The following XKR4 variants were observed in gnomAD, a reference collection of about 807,000 sequenced individuals.
XKR4 encodes XK-related protein 4.
XKR4 carries 12 observed loss-of-function variants against 53.9 expected under a neutral mutation model. That is an observed-to-expected ratio of 0.22 (90% confidence interval 0.14 to 0.36). The LOEUF is 0.36. Among genes scored for constraint, XKR4 ranks in the 10% least tolerant of loss-of-function variants. XKR4 has a pLI of 1.00. For missense variants in XKR4, 799 were observed against 859.5 expected, an observed-to-expected ratio of 0.93 and a Z score of 0.88; for synonymous variants, 354 against 362.4, an observed-to-expected ratio of 0.98 and a Z score of 0.26.
chr8:55,486,819 A>G (rs1384439232), intron 2 of XKR4, among the ~76,000 whole-genome samples: 1 of 152,218 alleles, frequency 6.6e-6, no homozygotes, highest in Non-Finnish European at 1.5e-5. Flanking sequence ...TTCACCATTA[A>G]GTACCTTCAT....
intron 2 of XKR4, among the ~76,000 whole-genome samples, chr8:55,413,253 C>T (rs1017815941): frequency 7.2e-5 from 11 of 152,168 alleles, no homozygotes; most frequent in African/African-American, 2.4e-4. Context: ...AATGGAGTCT[C>T]ACTCTGTCAT....
At position 55,533,937 on chromosome 8, in the gene XKR4, A is replaced by G. The variant is rs1217387113; in HGVS notation, c.*9710A>G. On this transcript the variant is annotated 3_prime_UTR_variant, in exon 3 of 3. Transcript: ENST00000327381. ...TTCACCTGCTTCATTTGTTTTTTCCAGTAAACGCTGTTTTGAAAAAAAAGA... is the reference window on the plus strand; with the variant it reads ...TTCACCTGCTTCATTTGTTTTTTCCGGTAAACGCTGTTTTGAAAAAAAAGA... The G allele has an allele frequency of 6.6e-6, 1 of 152,144 alleles. No individual in the cohort carries two copies. Among genetic ancestry groups the G allele is most frequent in the Non-Finnish European group, 1.5e-5 (1 of 68,020 alleles). The allele number at this position is 152,144 out of a possible 1,614,324, so 9.4% of individuals were successfully genotyped here.
intron 1 of XKR4, among the ~76,000 whole-genome samples, chr8:55,111,462 T>C (rs1816229190): frequency 6.6e-6 from 1 of 152,144 alleles, no homozygotes; most frequent in Admixed American, 6.6e-5. Flanking sequence ...CAAGGGGATA[T>C]ACAAGGGACT....
chr8:55,125,273 C>G lies in XKR4; in HGVS notation c.806+21979C>G, dbSNP rs181471062. Among the ~76,000 whole-genome samples, 202 of 152,242 alleles carry G rather than the reference C, an allele frequency of 1.3e-3. 1 individual carries two copies. Among genetic ancestry groups the G allele is most frequent in the African/African-American group, 4.7e-3 (197 of 41,538 alleles). On this transcript the variant is annotated intron_variant, in intron 1 of 2. Coordinates refer to ENST00000327381, the MANE Select transcript of XKR4 (RefSeq NM_052898.2). The stretch of plus-strand genomic sequence containing the variant: ...GAGATGGAGTTTCGCCCTTGTCACC[C>G]AGGCTGGAGTGTAGTGACACGATCT...
At chr8:55,428,387 G>T (rs10095520) in intron 2 of XKR4, among the ~76,000 whole-genome samples, 6 of 152,004 alleles carry the variant, frequency 3.9e-5, no homozygotes, top group Non-Finnish European at 7.4e-5. Flanking sequence ...CTAGCCAAAT[G>T]ACCAGGTAGA....
intron 2 of XKR4, among the ~76,000 whole-genome samples, chr8:55,441,039 A>G (rs1008895543): frequency 6.8e-6 from 1 of 147,886 alleles, no homozygotes; most frequent in African/African-American, 2.5e-5. Context: ...ACCAGCCTGG[A>G]CAACACAATG....
intron 2 of XKR4, chr8:55,453,468 G>T: frequency 2.5e-6 from 1 of 397,898 alleles, no homozygotes; most frequent in Non-Finnish European, 5.0e-6. Flanking sequence ...TCAAACACGT[G>T]GGAGATGCAG....
intron 1 of XKR4, among the ~76,000 whole-genome samples, chr8:55,132,604 A>G (rs1453704013): frequency 6.6e-6 from 1 of 152,158 alleles, no homozygotes; most frequent in Non-Finnish European, 1.5e-5. Context: ...AGATATGGAG[A>G]GACTACTGTG....
intron 2 of XKR4, among the ~76,000 whole-genome samples, chr8:55,506,759 C>T (rs549841111): frequency 2.9e-4 from 44 of 152,234 alleles, no homozygotes; most frequent in African/African-American, 8.4e-4. Flanking sequence ...ACTGTGTATA[C>T]GAGTTGGTTT....
chr8:55,189,402 C>T (rs947910196), intron 1 of XKR4, among the ~76,000 whole-genome samples: 26 of 152,240 alleles, frequency 1.7e-4, no homozygotes, highest in African/African-American at 6.0e-4. Flanking sequence ...AGAAATGCAT[C>T]GGTAAGCGGT....
intron 2 of XKR4, among the ~76,000 whole-genome samples, chr8:55,475,020 A>G (rs754835887): frequency 1.3e-5 from 2 of 152,200 alleles, no homozygotes; most frequent in African/African-American, 2.4e-5. Flanking sequence ...GAGACAAAAT[A>G]TACTGACATG....
intron 1 of XKR4, among the ~76,000 whole-genome samples, chr8:55,248,257 T>C (rs1327824126): frequency 6.6e-6 from 1 of 152,204 alleles, no homozygotes; most frequent in Non-Finnish European, 1.5e-5. Context: ...TTTCTAATAA[T>C]ATTTTTAGTT....
chr8:55,147,359 C>T (rs1220124421), intron 1 of XKR4, among the ~76,000 whole-genome samples: 1 of 152,226 alleles, frequency 6.6e-6, no homozygotes, highest in Non-Finnish European at 1.5e-5. Context: ...GGTGGACCAG[C>T]CTCAAGAGTG....
chr8:55,439,302 T>TA (rs1264420810), intron 2 of XKR4, among the ~76,000 whole-genome samples: 1 of 151,582 alleles, frequency 6.6e-6, no homozygotes, highest in Non-Finnish European at 1.5e-5. Flanking sequence ...TGCCCACGTA[T>TA]AAAGTCCCAA....
chr8:55,162,393 C>T (rs1816997649), intron 1 of XKR4, among the ~76,000 whole-genome samples: 1 of 152,176 alleles, frequency 6.6e-6, no homozygotes, highest in Non-Finnish European at 1.5e-5. Flanking sequence ...ATGAGATAGA[C>T]CTAAATGTTA....
chr8:55,353,676 G>C (rs1328694234), intron 1 of XKR4, among the ~76,000 whole-genome samples: 4 of 152,324 alleles, frequency 2.6e-5, no homozygotes, highest in African/African-American at 9.6e-5. Flanking sequence ...TGATCGAATG[G>C]AGACTATTTA....
intron 1 of XKR4, among the ~76,000 whole-genome samples, chr8:55,300,289 C>T (rs974140563): frequency 6.6e-6 from 1 of 152,064 alleles, no homozygotes; most frequent in African/African-American, 2.4e-5. Context: ...ACCTGGAAGT[C>T]TCCATGGGTT....
chr8:55,390,551 A>G (rs1328320389), intron 2 of XKR4, among the ~76,000 whole-genome samples: 2 of 152,190 alleles, frequency 1.3e-5, no homozygotes, highest in Non-Finnish European at 2.9e-5. Flanking sequence ...TTCTCCCTCC[A>G]TTAGAAGCTG....
intron 2 of XKR4, among the ~76,000 whole-genome samples, chr8:55,510,829 C>T (rs944630551): frequency 6.6e-6 from 1 of 152,178 alleles, no homozygotes; most frequent in Non-Finnish European, 1.5e-5. Flanking sequence ...CCAAGTGATG[C>T]CCTAAGAGTT....
Sources: gnomAD v4.1 joint callset for allele counts (sites outside exome capture counted in the v4.1 genomes callset) on GRCh38, gnomAD v4.1.1 for gene constraint, MANE v1.5 for transcripts, NCBI Gene and HGNC (gene_info 2026-07-23, HGNC 2026-07-21) for gene names.